RNF185: variants seen among roughly 807,000 people sequenced by gnomAD.
The protein encoded by RNF185 is ring finger protein 185.
In RNF185, 13 loss-of-function variants were observed where a neutral mutation model predicts 24.9. That is an observed-to-expected ratio of 0.52 (90% CI 0.34 to 0.83). The LOEUF is 0.83. Ranked by LOEUF, RNF185 falls within the 40% of genes least tolerant of loss-of-function variation. The pLI, the probability that RNF185 is intolerant of heterozygous loss-of-function variation, is 0.01. For synonymous variants in RNF185, 79 were observed against 90.3 expected (o/e 0.88, Z 0.71); for missense variants, 184 against 244.7 (o/e 0.75, Z 1.65).
intron 1 of RNF185, among the ~76,000 whole-genome samples, chr22:31,172,219 G>A (rs1226824290): frequency 6.6e-6 from 1 of 152,108 alleles, no homozygotes; most frequent in Non-Finnish European, 1.5e-5. Flanking sequence ...CAGGTGTGGT[G>A]GCTAATGCCT....
chr22:31,175,559 C>T (rs903545444), intron 1 of RNF185, among the ~76,000 whole-genome samples: 3 of 151,924 alleles, frequency 2.0e-5, no homozygotes, highest in Non-Finnish European at 2.9e-5. Flanking sequence ...TATAAATTGG[C>T]ACATCTTCCC....
chr22:31,161,781 A>AT (rs1923590440), intron 1 of RNF185, among the ~76,000 whole-genome samples: 1 of 151,652 alleles, frequency 6.6e-6, no homozygotes. Flanking sequence ...ATGTGAGAGA[A>AT]TTTTTGCAGT....
chr22:31,204,798 C>CCTG lies in RNF185; in HGVS notation c.*212_*213insCTG. 1 of 522,750 alleles carries CCTG rather than the reference C, an allele frequency of 1.9e-6. No individual in the cohort carries two copies. Among genetic ancestry groups the CCTG allele is most frequent in the Non-Finnish European group, 3.5e-6 (1 of 286,910 alleles). The allele number at this position is 522,750 out of a possible 1,614,324, so 32.4% of individuals were successfully genotyped here. On this transcript the variant is annotated 3_prime_UTR_variant, in exon 7 of 7. Coordinates refer to ENST00000326132, the MANE Select transcript of RNF185 (RefSeq NM_152267.4). ...CGCCACCGCTGTAAACACTCTATAA[C>CCTG]TTCAGGCCTTGGCATTGAGTCATCT...
intron 3 of RNF185, among the ~76,000 whole-genome samples, chr22:31,194,260 T>A (rs940113992): frequency 3.9e-5 from 6 of 152,104 alleles, no homozygotes; most frequent in Admixed American, 3.3e-4. Context: ...GGATTTTTTT[T>A]ATATTGAAAG....
chr22:31,203,068 G>T (rs2048278920), intron 6 of RNF185, among the ~76,000 whole-genome samples: 1 of 152,212 alleles, frequency 6.6e-6, no homozygotes, highest in South Asian at 2.1e-4. Context: ...CTGATAGCTT[G>T]CATCCTTCTA....
In RNF185 at chr22:31,192,846, T is replaced by TA. The variant is rs1390536062; in HGVS notation, c.195+145dup. The TA allele has an allele frequency of 9.7e-6, 7 of 719,920 alleles. No homozygotes were observed. In the Admixed American group the frequency reaches 1.5e-4, roughly 15 times the overall value. 44.6% of individuals were successfully genotyped at this position (719,920 alleles called of 1,614,324 possible). On this transcript the variant is annotated intron_variant, in intron 3 of 6. Coordinates refer to ENST00000326132, the MANE Select transcript of RNF185 (RefSeq NM_152267.4). ...ACTTACCCCCACAGCCTTCTTTACATACCTGTCCACTGACAGACACTTGAT... is the reference window on the plus strand; with the variant it reads ...ACTTACCCCCACAGCCTTCTTTACATAACCTGTCCACTGACAGACACTTGAT...
intron 2 of RNF185, among the ~76,000 whole-genome samples, chr22:31,189,751 G>GGACACCACCA (rs1555882609): frequency 6.6e-6 from 1 of 151,366 alleles, no homozygotes; most frequent in Non-Finnish European, 1.5e-5. Flanking sequence ...GATTACAGGT[G>GGACACCACCA]CACCCAGCTA....
At chr22:31,193,775 C>T (rs1461654999) in intron 3 of RNF185, among the ~76,000 whole-genome samples, 7 of 142,410 alleles carry the variant, frequency 4.9e-5, no homozygotes, top group Non-Finnish European at 1.5e-5. Context: ...GCCTGGGTGA[C>T]ATAGTGAGAC....
rs1465945673 is a variant in RNF185, at chr22:31,206,074, C to T, written c.*1488C>T. The T allele has an allele frequency of 6.5e-6, 1 of 154,752 alleles. No individual in the cohort carries two copies. The highest frequency in any genetic ancestry group is 1.5e-5 in the Non-Finnish European group (1 of 68,214). The allele number at this position is 154,752 out of a possible 1,614,324, so 9.6% of individuals were successfully genotyped here. On this transcript the variant is annotated 3_prime_UTR_variant, in exon 7 of 7. Coordinates refer to ENST00000326132, the MANE Select transcript of RNF185 (RefSeq NM_152267.4). ...CTCCTACTTTGCCATCCACACTGCT[C>T]CTGGCTAACCCCAGCAATAACCAAC...
At chr22:31,201,753 G>A in intron 6 of RNF185, 138 bp downstream of exon 6, 1 of 665,636 alleles carries the variant, frequency 1.5e-6, no homozygotes, top group South Asian at 1.8e-5. Context: ...ATCTTAAGCT[G>A]TTTTTAGATC....
chr22:31,188,530 G>A (rs5753503), intron 2 of RNF185, among the ~76,000 whole-genome samples: 120,482 of 152,118 alleles, frequency 0.79, 48,661 homozygotes, highest in African/African-American at 0.95. Context: ...CATAAAAAAT[G>A]TGTACAGCTA....
rs1923911446 is a variant in RNF185, at chr22:31,166,251, A to G, written c.-49+5948A>G. 2.0e-5 allele frequency among the ~76,000 whole-genome samples: 3 copies of G among 151,986 alleles called. No individual in the cohort carries two copies. The South Asian group carries it at 6.2e-4, about 32-fold the overall frequency. On this transcript the variant is annotated intron_variant, in intron 1 of 6. Transcript: ENST00000326132. ...AGTGATCCGCCCACCTCAGCCTCCC[A>G]AAGTGCTGGGATTACAGGCATGAGC...
chr22:31,190,667 G>A (rs1008171982), intron 2 of RNF185, among the ~76,000 whole-genome samples: 3 of 151,454 alleles, frequency 2.0e-5, no homozygotes, highest in East Asian at 3.9e-4. Context: ...TGAGTAGCAC[G>A]ATCTCAGCTC....
intron 6 of RNF185, among the ~76,000 whole-genome samples, chr22:31,204,154 C>G (rs192528776): frequency 4.6e-5 from 7 of 151,232 alleles, no homozygotes; most frequent in African/African-American, 1.7e-4. Context: ...ACCAGCCTGA[C>G]CAACATGGTG....
At chr22:31,165,365 T>C (rs1923857273) in intron 1 of RNF185, among the ~76,000 whole-genome samples, 1 of 152,242 alleles carries the variant, frequency 6.6e-6, no homozygotes, top group Non-Finnish European at 1.5e-5. Context: ...CTGATGATGA[T>C]GATGATGATG....
At chr22:31,174,915 C>A (rs2047966238) in intron 1 of RNF185, among the ~76,000 whole-genome samples, 1 of 150,978 alleles carries the variant, frequency 6.6e-6, no homozygotes, top group Non-Finnish European at 1.5e-5. Context: ...ACGAAAAATA[C>A]CAAAAAAATT....
At chr22:31,195,436 C>A in intron 3 of RNF185, 33 bp from the exon 4 acceptor site, 1 of 1,484,322 alleles carries the variant, frequency 6.7e-7, no homozygotes, top group Admixed American at 1.9e-5. Context: ...GGGTCTTGGG[C>A]CATCCACATG....
intron 1 of RNF185, among the ~76,000 whole-genome samples, chr22:31,170,842 T>G (rs1351163189): frequency 6.6e-6 from 1 of 152,010 alleles, no homozygotes; most frequent in Non-Finnish European, 1.5e-5. Flanking sequence ...ATTTATTTAT[T>G]TTTGAGACAA....
At chr22:31,170,863 T>C (rs2147925340) in intron 1 of RNF185, among the ~76,000 whole-genome samples, 1 of 152,192 alleles carries the variant, frequency 6.6e-6, no homozygotes, top group Admixed American at 6.6e-5. Flanking sequence ...GGTCTTTGTA[T>C]GCTGCCCAGG....
Sources: allele counts gnomAD v4.1 joint callset (sites outside exome capture counted in the v4.1 genomes callset), GRCh38; gene constraint gnomAD v4.1.1; transcripts MANE v1.5; gene names NCBI Gene and HGNC (gene_info 2026-07-23, HGNC 2026-07-21).